ARMC12: variants seen among roughly 807,000 people sequenced by gnomAD.
ARMC12 encodes armadillo repeat-containing protein 12.
Under a neutral mutation model 37.4 loss-of-function variants are expected in ARMC12, and 25 were observed. The observed-to-expected ratio is 0.67, with a 90% CI of 0.49 to 0.93. The LOEUF (loss-of-function observed/expected upper bound fraction) is 0.93, where lower values mean the gene tolerates loss of function less well. ARMC12 is among the 40% of genes least tolerant of loss of function. The probability of loss-of-function intolerance (pLI) is 0.00; values close to 1 mark genes in which losing one functional copy is unlikely to be tolerated. For synonymous variants in ARMC12, 167 were observed against 176.1 expected, an observed-to-expected ratio of 0.95 and a Z score of 0.41; for missense variants, 384 against 426.6, an observed-to-expected ratio of 0.90 and a Z score of 0.88.
rs777226618 is a variant in ARMC12, at chr6:35,748,827, C to T, written c.980C>T (p.Ser327Phe). 2.5e-6 allele frequency: 4 copies of T among 1,613,914 alleles called. No individual in the cohort carries two copies. The highest frequency in any genetic ancestry group is 3.4e-6 in the Non-Finnish European group (4 of 1,179,918). Residue 327 changes from serine to phenylalanine, a missense_variant, in exon 6 of 6, where the codon TCC becomes TTC. Transcript: ENST00000373866. ...CCCCAGGACTTGAGAGCCCGGCCCT[C>T]CTCCTGCCAGCCCAGTCGTTCCTAC... ...QYPQDLRARP[S>F]SCQPSRSYFK...
chr6:35,739,543 G>A (rs1003691367), intron 3 of ARMC12, among the ~76,000 whole-genome samples: 10 of 152,092 alleles, frequency 6.6e-5, no homozygotes, highest in South Asian at 2.1e-4. Flanking sequence ...GACCTGTGGC[G>A]TTTCTTCAGA....
intron 3 of ARMC12, among the ~76,000 whole-genome samples, chr6:35,746,321 C>T (rs554198944): frequency 2.4e-4 from 37 of 152,104 alleles, no homozygotes; most frequent in African/African-American, 8.4e-4. Flanking sequence ...GTGTACCTGG[C>T]ATGTTCATGG....
intron 3 of ARMC12, among the ~76,000 whole-genome samples, chr6:35,741,985 G>C (rs755361159): frequency 1.4e-4 from 22 of 151,786 alleles, no homozygotes; most frequent in Non-Finnish European, 2.9e-4. Context: ...AACCTCCCTA[G>C]TAGCTAGGAT....
intron 3 of ARMC12, among the ~76,000 whole-genome samples, chr6:35,744,175 T>C (rs1767264863): frequency 6.6e-6 from 1 of 152,146 alleles, no homozygotes; most frequent in African/African-American, 2.4e-5. Context: ...GGAGTCTTGC[T>C]CTGTCACCCA....
At chr6:35,744,095 G>A (rs928520702) in intron 3 of ARMC12, among the ~76,000 whole-genome samples, 6 of 152,166 alleles carry the variant, frequency 3.9e-5, no homozygotes, top group Non-Finnish European at 5.9e-5. Context: ...GAAAGATCCT[G>A]TTAAGAGAAT....
chr6:35,747,024 G>T (rs181528094), intron 3 of ARMC12, among the ~76,000 whole-genome samples: 1 of 132,720 alleles, frequency 7.5e-6, no homozygotes, highest in African/African-American at 3.0e-5. Context: ...TAGAAAAGAG[G>T]AGGTTGGGCA....
At chr6:35,739,062 G>T in intron 3 of ARMC12, among the ~76,000 whole-genome samples, 1 of 151,974 alleles carries the variant, frequency 6.6e-6, no homozygotes, top group East Asian at 1.9e-4. Context: ...TTTATATAAA[G>T]GACACAACTC....
upstream of ARMC12, among the ~76,000 whole-genome samples, chr6:35,732,579 C>T (rs920591984): frequency 1.7e-4 from 26 of 152,168 alleles, no homozygotes; most frequent in Admixed American, 1.4e-3. Flanking sequence ...AGTGCTGGGC[C>T]GCTGCAGCGT....
chr6:35,733,445 T>C (rs1351321558), upstream of ARMC12, among the ~76,000 whole-genome samples: 2 of 152,218 alleles, frequency 1.3e-5, no homozygotes, highest in East Asian at 1.9e-4. Context: ...GTAAGTCTTA[T>C]TGTTTCTATT....
At position 35,747,762 on chromosome 6, in the gene ARMC12, G is replaced by A. The variant is rs796464491; in HGVS notation, c.690+115G>A. The A allele has an allele frequency of 1.0e-5, 11 of 1,061,458 alleles. No individual in the cohort carries two copies. The African/African-American group carries it at 1.6e-4, about 15-fold the overall frequency. The allele number at this position is 1,061,458 out of a possible 1,614,324, so 65.8% of individuals were successfully genotyped here. A position where few individuals can be genotyped will look rare whatever the true frequency, so the allele number is the denominator to read the frequency against. On this transcript the variant is annotated intron_variant, in intron 5 of 5. Coordinates refer to ENST00000373866, the MANE Select transcript of ARMC12 (RefSeq NM_001286574.2). ...TGATGAATTGTTTTAGTATCTTCCT[G>A]CCTCTGCACTAAATGCACTGAAAAT... is the stretch of plus-strand genomic sequence containing the variant.
upstream of ARMC12, chr6:35,736,893 G>C: frequency 1.5e-6 from 1 of 656,428 alleles, no homozygotes; most frequent in Non-Finnish European, 2.5e-6. Context: ...TACAAGTGTG[G>C]GCCATGGTGC....
chr6:35,735,703 G>A (rs1766943750), upstream of ARMC12: 1 of 152,456 alleles, frequency 6.6e-6, no homozygotes, highest in Non-Finnish European at 1.5e-5. The surrounding 1 kb of genome is among the most constrained non-coding windows in gnomAD (Gnocchi z 4.0). Context: ...CTGCAACAGA[G>A]AGTGGGGACA....
chr6:35,739,697 C>CT (rs1767107264), intron 3 of ARMC12, among the ~76,000 whole-genome samples: 1 of 152,204 alleles, frequency 6.6e-6, no homozygotes, highest in Non-Finnish European at 1.5e-5. Context: ...AGGGCACTGG[C>CT]TTTTAACATT....
Position 35,747,423 on chromosome 6 carries a change from A to G in ARMC12, c.607A>G (p.Ile203Val). 1 of 1,614,184 alleles carries G rather than the reference A, an allele frequency of 6.2e-7. No homozygotes were observed. The highest frequency in any genetic ancestry group is 8.5e-7 in the Non-Finnish European group (1 of 1,180,024). Residue 203 changes from isoleucine to valine, a missense_variant, in exon 4 of 6, where the codon ATC becomes GTC. Physicochemically the swap from Ile to Val is conservative, Grantham distance 29. Coordinates refer to ENST00000373866, the MANE Select transcript of ARMC12 (RefSeq NM_001286574.2). ...GATGGAGATCCTGCAGTCAGACTAC[A>G]TCCTGGCACAGGTGCCTGAGGACCA... is the stretch of plus-strand genomic sequence containing the variant. Reference protein sequence around the residue: ...ALMEILQSDYILAQVQAVRLL... With the variant: ...ALMEILQSDYVLAQVQAVRLL...
upstream of ARMC12, among the ~76,000 whole-genome samples, chr6:35,732,344 C>T (rs1287139804): frequency 6.6e-6 from 1 of 152,202 alleles, no homozygotes; most frequent in Non-Finnish European, 1.5e-5. Context: ...GTTGAGCGTC[C>T]CCTGTGCACC....
In ARMC12 at chr6:35,748,850, T is replaced by G. The variant is rs767471811; in HGVS notation, c.1003T>G (p.Tyr335Asp). The G allele has an allele frequency of 1.9e-6, 3 of 1,610,450 alleles. No homozygotes were observed. The highest frequency in any genetic ancestry group is 1.7e-6 in the Non-Finnish European group (2 of 1,178,536). Reference sequence around the variant, plus strand: ...CTCCTCCTGCCAGCCCAGTCGTTCCTACTTTAAAAACACGGAATAAAATTA... The same window carrying G: ...CTCCTCCTGCCAGCCCAGTCGTTCCGACTTTAAAAACACGGAATAAAATTA... ...RPSSCQPSRS[Y>D]FKNTE Residue 335 changes from tyrosine (Y) to aspartate (D), a missense_variant, in exon 6 of 6, where the codon TAC becomes GAC. Coordinates refer to ENST00000373866, the MANE Select transcript of ARMC12 (RefSeq NM_001286574.2).
At chr6:35,735,410 C>T (rs1766934328), upstream of ARMC12, 1 of 152,388 alleles carries the variant, frequency 6.6e-6, no homozygotes, top group Non-Finnish European at 1.5e-5. This position sits in a 1 kb window ranked among gnomAD's most constrained non-coding sequence, Gnocchi z 4.0. Flanking sequence ...GGGCTGAGGA[C>T]AGGAATAGAA....
chr6:35,748,722 A>G lies in ARMC12; in HGVS notation c.875A>G (p.Asp292Gly). 1 of 1,614,208 alleles carries G rather than the reference A, an allele frequency of 6.2e-7. No homozygotes were observed. Among genetic ancestry groups the G allele is most frequent in the South Asian group, 1.1e-5 (1 of 91,090 alleles). ...SLFGEESRLA[D>G]RLLALVIHPE... Reference sequence around the variant, plus strand: ...TTTGGGGAAGAGTCCCGACTGGCAGACCGACTACTTGCCCTGGTCATCCAC... The same window carrying G: ...TTTGGGGAAGAGTCCCGACTGGCAGGCCGACTACTTGCCCTGGTCATCCAC... Residue 292 changes from aspartate to glycine, a missense_variant, in exon 6 of 6, where the codon GAC (aspartate) becomes GGC (glycine). Physicochemically the swap from Asp to Gly is moderately conservative, Grantham distance 94 (BLOSUM62 -1). Transcript: ENST00000373866.
upstream of ARMC12, among the ~76,000 whole-genome samples, chr6:35,733,463 T>C (rs538551971): frequency 1.8e-4 from 28 of 152,248 alleles, no homozygotes; most frequent in Admixed American, 3.3e-4. Flanking sequence ...ATTTTACAGG[T>C]GGGGAAAATG....
Sources: gnomAD v4.1 joint callset for allele counts (sites outside exome capture counted in the v4.1 genomes callset) on GRCh38, gnomAD v4.1.1 for gene constraint, Gnocchi (gnomAD v3.1) non-coding constraint, MANE v1.5 for transcripts, NCBI Gene and HGNC (gene_info 2026-07-23, HGNC 2026-07-21) for gene names.